Variants in TRAK1 observed in about 807,000 individuals in gnomAD.
TRAK1 encodes trafficking kinesin protein 1.
TRAK1 carries 33 observed loss-of-function variants against 92.1 expected under a neutral mutation model. That is an observed-to-expected ratio of 0.36 (90% CI 0.27 to 0.48). The LOEUF (loss-of-function observed/expected upper bound fraction) is 0.48, where lower values mean the gene tolerates loss of function less well. Among genes scored for constraint, TRAK1 ranks in the 20% least tolerant of loss-of-function variants. TRAK1 has a pLI of 0.99. For missense variants in TRAK1, 1,123 were observed against 1,257.9 expected (o/e 0.89, Z 1.62); for synonymous variants, 521 against 517.3 (o/e 1.01, Z -0.10).
intron 15 of TRAK1, among the ~76,000 whole-genome samples, chr3:42,220,293 T>G (rs974823101): frequency 1.3e-5 from 2 of 152,132 alleles, no homozygotes; most frequent in African/African-American, 4.8e-5. Context: ...GGGGAGGACT[T>G]GTCTGGTGTG....
intron 1 of TRAK1, among the ~76,000 whole-genome samples, chr3:42,023,746 T>TTTG (rs1304082190): frequency 2.9e-4 from 33 of 112,360 alleles, no homozygotes; most frequent in Middle Eastern, 4.4e-3. Flanking sequence ...TCGTGAGGGT[T>TTTG]TTTTTTTTTT....
At chr3:42,140,722 C>G (rs1328071232) in intron 2 of TRAK1, among the ~76,000 whole-genome samples, 1 of 152,222 alleles carries the variant, frequency 6.6e-6, no homozygotes, top group African/African-American at 2.4e-5. Context: ...GGAAGTCCTG[C>G]TTGTAAGGCT....
At chr3:42,045,470 G>A (rs9842053) in intron 1 of TRAK1, among the ~76,000 whole-genome samples, 21,037 of 152,174 alleles carry the variant, frequency 0.14, 2,070 homozygotes, top group African/African-American at 0.27. Flanking sequence ...AGGAGGCAGA[G>A]GTTGCAGTGA....
chr3:42,039,524 C>T (rs1023754410), intron 1 of TRAK1, among the ~76,000 whole-genome samples: 1 of 152,150 alleles, frequency 6.6e-6, no homozygotes, highest in African/African-American at 2.4e-5. Context: ...CCAACATGCC[C>T]AGCTAATTTT....
intron 1 of TRAK1, among the ~76,000 whole-genome samples, chr3:42,040,009 A>G (rs1049160690): frequency 1.4e-4 from 21 of 151,330 alleles, no homozygotes; most frequent in African/African-American, 5.1e-4. Flanking sequence ...GGCCATTTGT[A>G]TATCTTTGGA....
intron 3 of TRAK1, among the ~76,000 whole-genome samples, chr3:42,179,017 C>A (rs1213599214): frequency 6.6e-6 from 1 of 152,040 alleles, no homozygotes; most frequent in East Asian, 1.9e-4. Context: ...CAAACTACAG[C>A]CACTGTTTAT....
In TRAK1 at chr3:42,039,038, C is replaced by A. The variant is rs141865538; in HGVS notation, c.-519+24921C>A. ...CAATATTATTTTAGAACATTTTATC[C>A]CACGTAAAACATAATCCCATTCTCA... On this transcript the variant is annotated intron_variant, in intron 1 of 16. Transcript: ENST00000487159. Among the ~76,000 whole-genome samples, 1,110 of 151,888 alleles carry A rather than the reference C, an allele frequency of 7.3e-3. 10 individuals are homozygous for A. The highest frequency in any genetic ancestry group is 0.025 in the African/African-American group (1,019 of 41,388).
intron 2 of TRAK1, chr3:42,160,568 TG>T (rs59260540): frequency 0.075 from 80,155 of 1,066,114 alleles, 549 homozygotes; most frequent in East Asian, 0.2. Context: ...GTTTTGTTTT[TG>T]TTTTTTTTTA....
Position 42,202,772 on chromosome 3 carries a change from G to C in TRAK1, c.1744+20G>C, listed in dbSNP as rs1038331073. 1.2e-6 allele frequency: 2 copies of C among 1,612,512 alleles called. No homozygotes were observed. Among genetic ancestry groups the C allele is most frequent in the Non-Finnish European group, 1.7e-6 (2 of 1,178,954 alleles). On this transcript the variant is annotated intron_variant, in intron 13 of 15. Coordinates refer to ENST00000327628, the MANE Select transcript of TRAK1 (RefSeq NM_001042646.3). The surrounding 1 kb of genome is among the most constrained non-coding windows in gnomAD (Gnocchi z 6.1). ...TGGAAGGTGATCACGCGGGGCCTCG[G>C]CCCCTCTCTGTCCTCCTGGGGGACT...
At chr3:42,216,735 A>G (rs948545206) in intron 14 of TRAK1, among the ~76,000 whole-genome samples, 11 of 152,308 alleles carry the variant, frequency 7.2e-5, no homozygotes, top group African/African-American at 2.6e-4. Flanking sequence ...AGGGGTTTTT[A>G]TTGGTAAATC....
At chr3:42,137,712 G>A (rs572051290) in intron 2 of TRAK1, among the ~76,000 whole-genome samples, 1 of 152,176 alleles carries the variant, frequency 6.6e-6, no homozygotes, top group Middle Eastern at 3.2e-3. Context: ...TGATATCTCT[G>A]TGTGGGTTGG....
At chr3:42,122,944 G>A (rs964265791) in intron 1 of TRAK1, among the ~76,000 whole-genome samples, 4 of 152,094 alleles carry the variant, frequency 2.6e-5, no homozygotes, top group Non-Finnish European at 4.4e-5. Context: ...CCCCCCTCCA[G>A]GACTAAAGCT....
chr3:42,074,119 T>G (rs1704049743), intron 1 of TRAK1, among the ~76,000 whole-genome samples: 1 of 152,180 alleles, frequency 6.6e-6, no homozygotes. Context: ...GCAGTGTTAC[T>G]TAGAGCCATC....
At chr3:42,217,822 ATTGT>A (rs1222950246) in intron 14 of TRAK1, 2 of 984,640 alleles carry the variant, frequency 2.0e-6, no homozygotes, top group Non-Finnish European at 2.4e-6. Flanking sequence ...GAGAATCGTG[ATTGT>A]TTGGTTGCCT....
chr3:42,138,206 C>A (rs1698194392), intron 2 of TRAK1, among the ~76,000 whole-genome samples: 1 of 152,148 alleles, frequency 6.6e-6, no homozygotes, highest in Admixed American at 6.5e-5. Context: ...GCACTTAACT[C>A]TCTAAGCATG....
chr3:42,048,236 T>C (rs530542272), intron 1 of TRAK1, among the ~76,000 whole-genome samples: 1 of 152,280 alleles, frequency 6.6e-6, no homozygotes, highest in African/African-American at 2.4e-5. Context: ...CCGTTGAACC[T>C]GTAGAGTTTA....
rs564640784 is a variant in TRAK1 at position 42,202,191 on chromosome 3, G to A, written c.1428-245G>A. ...CAGGGACTGAATTTACTTAGTCTGT[G>A]TGCAGATATTCATCCCACCTTAGTC... On this transcript the variant is annotated intron_variant, in intron 12 of 15. Coordinates refer to ENST00000327628, the MANE Select transcript of TRAK1 (RefSeq NM_001042646.3). This position sits in a 1 kb window ranked among gnomAD's most constrained non-coding sequence, Gnocchi z 6.1. Among the ~76,000 whole-genome samples the A allele has an allele frequency of 7.2e-4, 109 of 152,228 alleles. No homozygotes were observed. Among genetic ancestry groups the A allele is most frequent in the South Asian group, 1.2e-3 (6 of 4,818 alleles).
chr3:42,187,949 A>G (rs1705139829), intron 4 of TRAK1, 96 bp from the exon 5 acceptor site: 1 of 1,043,504 alleles, frequency 9.6e-7, no homozygotes. Context: ...ATTTTCAGAA[A>G]AATATTGTCC....
At chr3:42,045,788 A>G (rs1031182508) in intron 1 of TRAK1, among the ~76,000 whole-genome samples, 4 of 152,158 alleles carry the variant, frequency 2.6e-5, no homozygotes, top group African/African-American at 9.7e-5. Context: ...TTATTCTGTG[A>G]TTCTGAGGCA....
Sources: gnomAD v4.1 joint callset for allele counts (sites outside exome capture counted in the v4.1 genomes callset) on GRCh38, gnomAD v4.1.1 for gene constraint, Gnocchi (gnomAD v3.1) non-coding constraint, MANE v1.5 for transcripts, NCBI Gene and HGNC (gene_info 2026-07-23, HGNC 2026-07-21) for gene names.